The following FHIT variants were observed in gnomAD, a reference collection of about 807,000 sequenced individuals.
The protein encoded by FHIT is fragile histidine triad diadenosine triphosphatase.
FHIT carries 19 observed loss-of-function variants against 17.9 expected under a neutral mutation model. The ratio of observed to expected loss-of-function variants is 1.06; its 90% CI spans 0.74 to 1.56. The LOEUF (loss-of-function observed/expected upper bound fraction) is 1.56, where lower values mean the gene tolerates loss of function less well. Ranked by LOEUF, FHIT falls within the 40% of genes most tolerant of loss-of-function variation. The pLI is 0.00. For missense variants in FHIT, 248 were observed against 189.2 expected (o/e 1.31, Z -1.82); for synonymous variants, 81 against 69.7 (o/e 1.16, Z -0.81).
intron 5 of FHIT, among the ~76,000 whole-genome samples, chr3:60,412,653 G>A (rs765690909): frequency 6.6e-6 from 1 of 152,064 alleles, no homozygotes; most frequent in Non-Finnish European, 1.5e-5. Context: ...TGGGCAAACT[G>A]TAACTCAAGG....
chr3:60,247,634 A>T (rs918223787), intron 5 of FHIT, among the ~76,000 whole-genome samples: 2 of 152,136 alleles, frequency 1.3e-5, no homozygotes, highest in Admixed American at 1.3e-4. Flanking sequence ...TCAACTTATG[A>T]GTCTCACATT....
At chr3:60,761,530 T>C (rs1386758674) in intron 4 of FHIT, among the ~76,000 whole-genome samples, 3 of 152,150 alleles carry the variant, frequency 2.0e-5, no homozygotes, top group Admixed American at 2.0e-4. Context: ...AAGGAGACCC[T>C]TTGAATGTCT....
intron 5 of FHIT, among the ~76,000 whole-genome samples, chr3:60,470,052 CTTT>C (rs1559940665): frequency 7.4e-5 from 11 of 148,592 alleles, no homozygotes; most frequent in Non-Finnish European, 1.0e-4. Context: ...TCTCCTCTCT[CTTT>C]CTTTCTCTCT....
At chr3:59,941,594 G>A (rs1706522521) in intron 7 of FHIT, among the ~76,000 whole-genome samples, 1 of 152,132 alleles carries the variant, frequency 6.6e-6, no homozygotes, top group South Asian at 2.1e-4. Context: ...CTTGATGCTT[G>A]CGTTGTGGGT....
At chr3:61,146,831 G>A (rs2037239281) in intron 2 of FHIT, among the ~76,000 whole-genome samples, 1 of 152,098 alleles carries the variant, frequency 6.6e-6, no homozygotes, top group South Asian at 2.1e-4. Flanking sequence ...TCAAAAAGTT[G>A]ACAGTTTTGA....
intron 5 of FHIT, among the ~76,000 whole-genome samples, chr3:60,328,478 T>C (rs1709809046): frequency 6.6e-6 from 1 of 152,124 alleles, no homozygotes; most frequent in Non-Finnish European, 1.5e-5. Flanking sequence ...GCTCGGGAAC[T>C]GCCCTTTATA....
chr3:60,859,723 A>ATTTTTTTTTTTTTTTTTTTTTTTT (rs71092647), intron 3 of FHIT, among the ~76,000 whole-genome samples: 4 of 51,886 alleles, frequency 7.7e-5, no homozygotes, highest in African/African-American at 2.3e-4. Context: ...TCTGAATACG[A>ATTTTTTTTTTTTTTTTTTTTTTTT]TTTTTTTTTT....
chr3:60,923,906 A>G (rs1041774668), intron 3 of FHIT, among the ~76,000 whole-genome samples: 12 of 152,202 alleles, frequency 7.9e-5, no homozygotes, highest in Non-Finnish European at 2.9e-5. Flanking sequence ...ACATCAGGAG[A>G]TTATATCCTG....
At chr3:60,202,541 G>GTT (rs889341297) in intron 5 of FHIT, among the ~76,000 whole-genome samples, 2 of 152,198 alleles carry the variant, frequency 1.3e-5, no homozygotes, top group African/African-American at 2.4e-5. Flanking sequence ...TGGTAGAGTA[G>GTT]TTATGGTTGC....
At chr3:60,837,354 G>A (rs1383958255) in intron 3 of FHIT, among the ~76,000 whole-genome samples, 1 of 152,100 alleles carries the variant, frequency 6.6e-6, no homozygotes, top group East Asian at 1.9e-4. Context: ...GGTAATTTGT[G>A]TCTTTTCTCT....
intron 5 of FHIT, among the ~76,000 whole-genome samples, chr3:60,406,115 C>CT (rs1701847576): frequency 6.6e-6 from 1 of 152,174 alleles, no homozygotes; most frequent in Admixed American, 6.5e-5. Flanking sequence ...TGCTAAACAT[C>CT]TTTTAAAAAG....
chr3:60,932,375 T>C (rs1044642499), intron 3 of FHIT, among the ~76,000 whole-genome samples: 1 of 152,164 alleles, frequency 6.6e-6, no homozygotes, highest in African/African-American at 2.4e-5. Context: ...CACCCTTCTC[T>C]GCCCTGCTGG....
intron 2 of FHIT, among the ~76,000 whole-genome samples, chr3:61,098,463 A>C (rs1218681072): frequency 6.6e-6 from 1 of 152,142 alleles, no homozygotes; most frequent in African/African-American, 2.4e-5. Flanking sequence ...ATTTTAAAAT[A>C]GTTTGTTTCT....
At chr3:59,977,990 T>G (rs1575804626) in intron 7 of FHIT, among the ~76,000 whole-genome samples, 1 of 152,144 alleles carries the variant, frequency 6.6e-6, no homozygotes, top group Non-Finnish European at 1.5e-5. Flanking sequence ...CAGACAAGAG[T>G]ACAGTGTTAA....
Position 60,868,365 on chromosome 3 carries a change from T to C in FHIT, c.-110-46354A>G, listed in dbSNP as rs528392475. On this transcript the variant is annotated intron_variant, in intron 3 of 9. Coordinates refer to ENST00000492590, the MANE Select transcript of FHIT (RefSeq NM_002012.4). ...AAAGCTATCCCATTTTACAAGGCAA[T>C]GCTTTCTCTCTCTACCAAGAAAGTG... Among the ~76,000 whole-genome samples the C allele has an allele frequency of 7.9e-5, 12 of 152,258 alleles. No homozygotes were observed. In the South Asian group the frequency reaches 2.1e-3, roughly 26 times the overall value.
rs150213258 is a variant in FHIT, at chr3:61,216,471, A to G, written c.-212-15806T>C. ...ACCATGTTACACCAGTTAGAATGGC[A>G]ATCATTAAAAAGTCAGGAAACAACA... On this transcript the variant is annotated intron_variant, in intron 1 of 9. Transcript: ENST00000492590. Among the ~76,000 whole-genome samples the G allele has an allele frequency of 4.9e-4, 75 of 152,334 alleles. No individual in the cohort carries two copies. In the East Asian group the frequency reaches 0.014, roughly 28 times the overall value.
chr3:59,912,864 G>A (rs1315104102), intron 8 of FHIT, among the ~76,000 whole-genome samples: 4 of 152,014 alleles, frequency 2.6e-5, no homozygotes, highest in Non-Finnish European at 5.9e-5. Flanking sequence ...CAGAAAAAAA[G>A]CAATTTTCTC....
At chr3:60,528,704 A>G (rs2035663595) in intron 5 of FHIT, among the ~76,000 whole-genome samples, 2 of 152,226 alleles carry the variant, frequency 1.3e-5, no homozygotes, top group African/African-American at 4.8e-5. Context: ...TCCCTCTAAA[A>G]TCTACTGAGA....
intron 5 of FHIT, among the ~76,000 whole-genome samples, chr3:60,090,528 C>A (rs1703686210): frequency 6.6e-6 from 1 of 152,140 alleles, no homozygotes; most frequent in African/African-American, 2.4e-5. Flanking sequence ...CTTTGAAGTG[C>A]CACAACATAT....
Sources: gnomAD v4.1 joint callset for allele counts (sites outside exome capture counted in the v4.1 genomes callset) on GRCh38, gnomAD v4.1.1 for gene constraint, MANE v1.5 for transcripts, NCBI Gene and HGNC (gene_info 2026-07-23, HGNC 2026-07-21) for gene names.